The following EHMT1 variants were observed in gnomAD, a reference collection of about 807,000 sequenced individuals.
The protein encoded by EHMT1 is histone-lysine N-methyltransferase EHMT1.
In EHMT1, 15 loss-of-function variants were observed where a neutral mutation model predicts 147.2. The ratio of observed to expected loss-of-function variants is 0.10; its 90% CI spans 0.07 to 0.16. EHMT1 has a LOEUF of 0.16. Among genes scored for constraint, EHMT1 ranks in the 10% least tolerant of loss-of-function variants. EHMT1 has a pLI of 1.00. For synonymous variants in EHMT1, 795 were observed against 709.6 expected (o/e 1.12, Z -1.91); for missense variants, 1,587 against 1,772.4 (o/e 0.90, Z 1.88).
rs990489512 is a variant in EHMT1 at position 137,775,848 on chromosome 9, G to C, written c.1791+596G>C. ...CCCGAGAATGGGCTGCTTCCCTTTG[G>C]AGCTCCCCTGTGTGGGCATCCTCGT... On this transcript the variant is annotated intron_variant, in intron 11 of 26. Transcript: ENST00000460843. The surrounding 1 kb of genome is among the most constrained non-coding windows in gnomAD (Gnocchi z 6.1). 1.3e-5 allele frequency among the ~76,000 whole-genome samples: 2 copies of C among 151,746 alleles called. No individual in the cohort carries two copies. The highest frequency in any genetic ancestry group is 2.9e-5 in the Non-Finnish European group (2 of 67,938).
At chr9:137,712,201 T>TC (rs1944802168) in intron 2 of EHMT1, among the ~76,000 whole-genome samples, 1 of 152,184 alleles carries the variant, frequency 6.6e-6, no homozygotes, top group East Asian at 1.9e-4. Flanking sequence ...CTCCGGCTCT[T>TC]CCCCCTTCTC....
At position 137,754,236 on chromosome 9, in the gene EHMT1, C is replaced by G; in HGVS notation, c.1314C>G (p.Ile438Met). Residue 438 changes from isoleucine (I) to methionine (M), a missense_variant, in exon 8 of 27, where the codon ATC becomes ATG. By Grantham distance (10) the Ile-to-Met change is conservative (BLOSUM62 1). This residue lies in a region of EHMT1 where 810 missense variants were observed against 673.0 expected (regional missense o/e 1.20). Transcript: ENST00000460843. ...KRKGKTDSPW[I>M]KPARKRRRRS... is the part of the protein sequence containing the mutation. The stretch of plus-strand genomic sequence containing the variant: ...AAGGAAAGACCGACAGTCCCTGGAT[C>G]AAGCCAGCCAGGAAAAGGAGGCGGA... 1 of 1,614,144 alleles carries G rather than the reference C, an allele frequency of 6.2e-7. No homozygotes were observed. Among genetic ancestry groups the G allele is most frequent in the African/African-American group, 1.3e-5 (1 of 75,028 alleles).
At chr9:137,645,764 C>A (rs1844841213) in intron 1 of EHMT1, among the ~76,000 whole-genome samples, 2 of 151,774 alleles carry the variant, frequency 1.3e-5, no homozygotes, top group African/African-American at 4.8e-5. Flanking sequence ...TGGCTGCAGC[C>A]CCACGTGGGC....
At position 137,640,031 on chromosome 9, in the gene EHMT1, T is replaced by A. The variant is rs181631674; in HGVS notation, c.21+20982T>A. On this transcript the variant is annotated intron_variant, in intron 1 of 26. Coordinates refer to ENST00000460843, the MANE Select transcript of EHMT1 (RefSeq NM_024757.5). ...CTCACCGTAACCTCTGCCTCCCGGGTTCGAGTGATTGTCCTGCCTCTGCCT... is the reference window on the plus strand; with the variant it reads ...CTCACCGTAACCTCTGCCTCCCGGGATCGAGTGATTGTCCTGCCTCTGCCT... Among the ~76,000 whole-genome samples, 24 of 151,964 alleles carry A rather than the reference T, an allele frequency of 1.6e-4. No homozygotes were observed. The East Asian group carries it at 4.3e-3, about 27-fold the overall frequency.
At chr9:137,783,847 T>G (rs990536555) in intron 15 of EHMT1, among the ~76,000 whole-genome samples, 1 of 152,268 alleles carries the variant, frequency 6.6e-6, no homozygotes, top group Admixed American at 6.5e-5. Flanking sequence ...TGTTACTATT[T>G]GCCTGGAATG....
In EHMT1 at chr9:137,761,239, A is replaced by C. The variant is rs117532778; in HGVS notation, c.1502-1436A>C. Among the ~76,000 whole-genome samples the C allele has an allele frequency of 4.7e-4, 72 of 152,288 alleles. 1 individual carries two copies. The East Asian group carries it at 0.013, about 27-fold the overall frequency. Reference sequence around the variant, plus strand: ...TCCCTGCTGGAAAGTCCCTAGTTCTAGAGATTGGTTGGCTGCTTCTGAATG... The same window carrying C: ...TCCCTGCTGGAAAGTCCCTAGTTCTCGAGATTGGTTGGCTGCTTCTGAATG... On this transcript the variant is annotated intron_variant, in intron 9 of 26. Transcript: ENST00000460843.
intron 25 of EHMT1, among the ~76,000 whole-genome samples, chr9:137,826,673 G>A (rs1055700815): frequency 6.6e-6 from 1 of 152,250 alleles, no homozygotes; most frequent in African/African-American, 2.4e-5. Context: ...CAAGACAGGC[G>A]GGTGGAGCCG....
At chr9:137,627,172 T>A (rs1843316259) in intron 1 of EHMT1, among the ~76,000 whole-genome samples, 1 of 152,002 alleles carries the variant, frequency 6.6e-6, no homozygotes. Flanking sequence ...TTGGCCAGGC[T>A]GGTCTCAAAC....
At chr9:137,807,851 G>T (rs918408545) in intron 18 of EHMT1, among the ~76,000 whole-genome samples, 3 of 152,178 alleles carry the variant, frequency 2.0e-5, no homozygotes, top group African/African-American at 7.2e-5. Flanking sequence ...CAGCATCTGT[G>T]TCAAAGCCGG....
At position 137,683,571 on chromosome 9, in the gene EHMT1, C is replaced by G. The variant is rs115896144; in HGVS notation, c.22-27396C>G. Among the ~76,000 whole-genome samples, 817 of 152,246 alleles carry G rather than the reference C, an allele frequency of 5.4e-3. 10 individuals are homozygous for G. Among genetic ancestry groups the G allele is most frequent in the African/African-American group, 0.019 (774 of 41,542 alleles). On this transcript the variant is annotated intron_variant, in intron 1 of 26. Transcript: ENST00000460843. ...CCAAGTAGCTGAGACTACAGGTGCA[C>G]CATCATGACTGGCTATGATGTAGAT...
intron 1 of EHMT1, among the ~76,000 whole-genome samples, chr9:137,628,635 C>T (rs1159827482): frequency 6.6e-6 from 1 of 152,196 alleles, no homozygotes; most frequent in African/African-American, 2.4e-5. Context: ...ACTAGAAGCA[C>T]AGCTGTCCTA....
chr9:137,834,562 G>T (rs768206004), intron 26 of EHMT1, 38 bp downstream of exon 26: 1 of 1,607,204 alleles, frequency 6.2e-7, no homozygotes, highest in South Asian at 1.1e-5. Flanking sequence ...CTCCGCTGCC[G>T]GCGGGACGGT....
intron 1 of EHMT1, among the ~76,000 whole-genome samples, chr9:137,707,141 A>G (rs1944336272): frequency 6.6e-6 from 1 of 152,230 alleles, no homozygotes; most frequent in Admixed American, 6.5e-5. Flanking sequence ...TTACATTTGT[A>G]TTGTAAACTA....
chr9:137,766,857 C>T (rs1011398568), intron 10 of EHMT1, among the ~76,000 whole-genome samples: 2 of 152,110 alleles, frequency 1.3e-5, no homozygotes, highest in African/African-American at 4.8e-5. Flanking sequence ...GACAGGTTCT[C>T]ACTTGGACCC....
intron 14 of EHMT1, 35 bp downstream of exon 14, chr9:137,779,752 C>T (rs762975380): frequency 1.9e-5 from 30 of 1,608,804 alleles, no homozygotes; most frequent in African/African-American, 4.0e-5. Flanking sequence ...CACATGCAGC[C>T]GGCCCTGTGG....
intron 2 of EHMT1, among the ~76,000 whole-genome samples, chr9:137,713,410 C>T (rs1248863362): frequency 6.6e-6 from 1 of 151,368 alleles, no homozygotes; most frequent in Non-Finnish European, 1.5e-5. Flanking sequence ...GCTGGGAATA[C>T]AGGCACCTGC....
chr9:137,647,859 G>C (rs1845020654), intron 1 of EHMT1, among the ~76,000 whole-genome samples: 1 of 152,010 alleles, frequency 6.6e-6, no homozygotes, highest in African/African-American at 2.4e-5. Flanking sequence ...GGCCTCCCAA[G>C]GTGTTGGGAT....
chr9:137,681,561 G>T (rs769437157), intron 1 of EHMT1, among the ~76,000 whole-genome samples: 14 of 152,098 alleles, frequency 9.2e-5, no homozygotes, highest in Non-Finnish European at 1.6e-4. Flanking sequence ...CACTGCCTTG[G>T]TATTTCTAAT....
intron 1 of EHMT1, among the ~76,000 whole-genome samples, chr9:137,619,742 G>A (rs1391558773): frequency 1.3e-5 from 2 of 151,996 alleles, no homozygotes; most frequent in Non-Finnish European, 2.9e-5. Context: ...TAATGGTCTC[G>A]GCCTTCCCCG....
Sources: allele counts gnomAD v4.1 joint callset (sites outside exome capture counted in the v4.1 genomes callset), GRCh38; gene constraint gnomAD v4.1.1; regional missense constraint gnomAD v4.1.1; non-coding constraint Gnocchi (gnomAD v3.1); transcripts MANE v1.5; gene names NCBI Gene and HGNC (gene_info 2026-07-23, HGNC 2026-07-21).